LTV1: variants seen among roughly 807,000 people sequenced by gnomAD.
LTV1 encodes the protein LTV1 ribosome biogenesis factor, also known as protein LTV1 homolog.
LTV1 carries 39 observed loss-of-function variants against 59.9 expected under a neutral mutation model. The ratio of observed to expected loss-of-function variants is 0.65; its 90% CI spans 0.50 to 0.85. The LOEUF is 0.85. Ranked by LOEUF, LTV1 falls within the 40% of genes least tolerant of loss-of-function variation. The probability of loss-of-function intolerance (pLI) is 0.00; values close to 1 mark genes in which losing one functional copy is unlikely to be tolerated. For synonymous variants in LTV1, 171 were observed against 189.5 expected, an observed-to-expected ratio of 0.90 and a Z score of 0.80; for missense variants, 493 against 549.1, an observed-to-expected ratio of 0.90 and a Z score of 1.02.
chr6:143,858,152 G>A (rs1039311447), intron 6 of LTV1, 145 bp downstream of exon 6: 24 of 739,958 alleles, frequency 3.2e-5, no homozygotes, highest in African/African-American at 2.3e-4. Flanking sequence ...CTATAGGTTC[G>A]TGTAGCCAGC....
At position 143,857,912 on chromosome 6, in the gene LTV1, G is replaced by A; in HGVS notation, c.700G>A (p.Glu234Lys). The change falls in exon 6 of 11, where the codon GAG (glutamate) becomes AAG (lysine). Residue 234 changes from glutamate to lysine, a missense_variant. Coordinates refer to ENST00000367576, the MANE Select transcript of LTV1 (RefSeq NM_032860.5). This position sits in a 1 kb window ranked among gnomAD's most constrained non-coding sequence, Gnocchi z 5.2. Reference sequence around the variant, plus strand: ...TATAGCAGATCACTTGTTCTGGAGTGAGGAAACAAAGAGTCGCTTCACGGA... The same window carrying A: ...TATAGCAGATCACTTGTTCTGGAGTAAGGAAACAAAGAGTCGCTTCACGGA... Reference protein sequence around the residue: ...RAIADHLFWSEETKSRFTEYS... With the variant: ...RAIADHLFWSKETKSRFTEYS... The A allele has an allele frequency of 6.2e-7, 1 of 1,614,154 alleles. No individual in the cohort carries two copies. The highest frequency in any genetic ancestry group is 8.5e-7 in the Non-Finnish European group (1 of 1,180,018).
chr6:143,861,357 C>T lies in LTV1; in HGVS notation c.924-747C>T, dbSNP rs557901614. ...GGAGGCTGAGACAGGATCACTTGAACCTGGAAGGCAGAGGTTGCAGTGAGC... is the reference window on the plus strand; with the variant it reads ...GGAGGCTGAGACAGGATCACTTGAATCTGGAAGGCAGAGGTTGCAGTGAGC... On this transcript the variant is annotated intron_variant, in intron 7 of 10. Coordinates refer to ENST00000367576, the MANE Select transcript of LTV1 (RefSeq NM_032860.5). 6.6e-5 allele frequency among the ~76,000 whole-genome samples: 10 copies of T among 151,556 alleles called. 1 individual carries two copies. In the East Asian group the frequency reaches 2.0e-3, roughly 30 times the overall value.
chr6:143,845,964 TA>T (rs1562328674), intron 2 of LTV1, 86 bp from the exon 3 acceptor site: 2 of 1,296,314 alleles, frequency 1.5e-6, no homozygotes, highest in Non-Finnish European at 2.2e-6. Flanking sequence ...CTCATTGTAA[TA>T]TTCCCATGCC....
intron 7 of LTV1, among the ~76,000 whole-genome samples, chr6:143,861,880 A>T (rs973762800): frequency 6.6e-6 from 1 of 152,048 alleles, no homozygotes; most frequent in African/African-American, 2.4e-5. Flanking sequence ...ACACAGCTAG[A>T]TGTTACCTTC....
Position 143,862,836 on chromosome 6 carries a change from T to A in LTV1, c.1064-8T>A. ...TTACTGATACATGACTTTTATTTGT[T>A]TGTTTAGGTACATACTCAAATTTAT... On this transcript the variant is annotated splice_polypyrimidine_tract_variant and splice_region_variant and intron_variant, in intron 8 of 10. Coordinates refer to ENST00000367576, the MANE Select transcript of LTV1 (RefSeq NM_032860.5). This position sits in a 1 kb window ranked among gnomAD's most constrained non-coding sequence, Gnocchi z 4.2. The A allele has an allele frequency of 6.6e-7, 1 of 1,525,256 alleles. No homozygotes were observed. The highest frequency in any genetic ancestry group is 9.1e-7 in the Non-Finnish European group (1 of 1,099,492). 94.5% of individuals were successfully genotyped at this position (1,525,256 alleles called of 1,614,324 possible). A position where few individuals can be genotyped will look rare whatever the true frequency, so the allele number is the denominator to read the frequency against.
At chr6:143,853,114 C>G (rs1278582449) in intron 4 of LTV1, among the ~76,000 whole-genome samples, 2 of 152,032 alleles carry the variant, frequency 1.3e-5, no homozygotes, top group African/African-American at 4.8e-5. Flanking sequence ...GAATGTTTTT[C>G]CATTTGTTTG....
rs969375519 is a variant in LTV1, at chr6:143,860,330, G to C, written c.796-96G>C. ...TTGTGATAGTACCTGAATAACTATT[G>C]TGTAAGAATAAAGTTAATGTAAAAA... On this transcript the variant is annotated intron_variant, in intron 6 of 10. Coordinates refer to ENST00000367576, the MANE Select transcript of LTV1 (RefSeq NM_032860.5). 55 of 971,886 alleles carry C rather than the reference G, an allele frequency of 5.7e-5. No homozygotes were observed. In the East Asian group the frequency reaches 1.3e-3, roughly 23 times the overall value. The allele number at this position is 971,886 out of a possible 1,614,324, so 60.2% of individuals were successfully genotyped here.
intron 3 of LTV1, among the ~76,000 whole-genome samples, chr6:143,848,326 T>C (rs987121448): frequency 6.6e-5 from 10 of 152,234 alleles, no homozygotes; most frequent in South Asian, 2.1e-4. Context: ...TTGTACACTT[T>C]AGGTGAATTG....
chr6:143,845,450 A>G (rs1763495597), intron 2 of LTV1, among the ~76,000 whole-genome samples: 1 of 152,126 alleles, frequency 6.6e-6, no homozygotes, highest in South Asian at 2.1e-4. Flanking sequence ...ATCTCAGCTC[A>G]CTGCAACTTC....
intron 3 of LTV1, 148 bp from the exon 4 acceptor site, chr6:143,849,983 C>T (rs1776954053): frequency 1.7e-6 from 1 of 587,478 alleles, no homozygotes; most frequent in South Asian, 2.2e-5. Context: ...AGTAAGACCT[C>T]ATCTTATTAT....
intron 4 of LTV1, among the ~76,000 whole-genome samples, 198 bp downstream of exon 4, chr6:143,850,416 T>C (rs1162749449): frequency 6.6e-6 from 1 of 152,218 alleles, no homozygotes; most frequent in Non-Finnish European, 1.5e-5. Context: ...TTATATCTTT[T>C]GAGTTCCTGT....
At chr6:143,845,079 G>C (rs17073107) in intron 2 of LTV1, among the ~76,000 whole-genome samples, 10,993 of 152,096 alleles carry the variant, frequency 0.072, 532 homozygotes, top group African/African-American at 0.13. Context: ...CTAAGATCCT[G>C]CCGTTTCATA....
intron 4 of LTV1, among the ~76,000 whole-genome samples, chr6:143,853,959 G>C (rs2128491575): frequency 6.6e-6 from 1 of 152,290 alleles, no homozygotes; most frequent in South Asian, 2.1e-4. Context: ...GATGATGCTG[G>C]CCTCATAAAA....
chr6:143,848,702 AT>A (rs1334814972), intron 3 of LTV1, among the ~76,000 whole-genome samples: 4 of 152,214 alleles, frequency 2.6e-5, no homozygotes, highest in Non-Finnish European at 5.9e-5. Context: ...TAGCAAGCAC[AT>A]GTTTGAGTAG....
intron 3 of LTV1, among the ~76,000 whole-genome samples, chr6:143,849,401 G>T (rs1416960546): frequency 6.6e-6 from 1 of 152,200 alleles, no homozygotes; most frequent in Non-Finnish European, 1.5e-5. Context: ...GGCAAGTGGA[G>T]TTAAGAAACT....
chr6:143,850,281 A>G, intron 4 of LTV1, 63 bp downstream of exon 4: 1 of 1,283,094 alleles, frequency 7.8e-7, no homozygotes. Context: ...TAAAGAAATG[A>G]TGTAGGATTT....
chr6:143,857,203 A>C lies in LTV1; in HGVS notation c.398-100A>C. 7.4e-7 allele frequency: 1 copy of C among 1,360,288 alleles called. No individual in the cohort carries two copies. Among genetic ancestry groups the C allele is most frequent in the Non-Finnish European group, 1.0e-6 (1 of 977,736 alleles). The allele number at this position is 1,360,288 out of a possible 1,614,324, so 84.3% of individuals were successfully genotyped here. A position where few individuals can be genotyped will look rare whatever the true frequency, so the allele number is the denominator to read the frequency against. On this transcript the variant is annotated intron_variant, in intron 4 of 10. Transcript: ENST00000367576. This position sits in a 1 kb window ranked among gnomAD's most constrained non-coding sequence, Gnocchi z 5.2. ...TTAATCGTTCTTTTATCCTCAATAT[A>C]TTAATAGACTCTTGCTATCATAGGT...
chr6:143,846,362 G>A, intron 3 of LTV1, 138 bp downstream of exon 3: 1 of 716,552 alleles, frequency 1.4e-6, no homozygotes, highest in Non-Finnish European at 2.3e-6. Flanking sequence ...AATTATATAT[G>A]TGTATGCATG....
Position 143,850,182 on chromosome 6 carries a change from G to T in LTV1, c.361G>T (p.Asp121Tyr). ...SSVFASEFEE[D>Y]VGLLNKAAPV... ...AGTGTTTGCTTCAGAGTTTGAGGAA[G>T]ATGTTGGATTGTTAAATAAAGCAGC... The change falls in exon 4 of 11, where the codon GAT (aspartate) becomes TAT (tyrosine). Residue 121 changes from aspartate to tyrosine, a missense_variant. Physicochemically the swap from Asp to Tyr is radical, Grantham distance 160. Coordinates refer to ENST00000367576, the MANE Select transcript of LTV1 (RefSeq NM_032860.5). 1 of 1,613,746 alleles carries T rather than the reference G, an allele frequency of 6.2e-7. No individual in the cohort carries two copies. Among genetic ancestry groups the T allele is most frequent in the South Asian group, 1.1e-5 (1 of 91,014 alleles).
Sources: gnomAD v4.1 joint callset for allele counts (sites outside exome capture counted in the v4.1 genomes callset) on GRCh38, gnomAD v4.1.1 for gene constraint, Gnocchi (gnomAD v3.1) non-coding constraint, MANE v1.5 for transcripts, NCBI Gene and HGNC (gene_info 2026-07-23, HGNC 2026-07-21) for gene names.